LRP5: variants seen among roughly 807,000 people sequenced by gnomAD.
LRP5 encodes LDL receptor related protein 5, also known as low-density lipoprotein receptor-related protein 5.
LRP5 carries 62 observed loss-of-function variants against 154.1 expected under a neutral mutation model. The ratio of observed to expected loss-of-function variants is 0.40; its 90% CI spans 0.33 to 0.50. LRP5 has a LOEUF of 0.50. LRP5 is among the 20% of genes least tolerant of loss of function. The probability of loss-of-function intolerance (pLI) is 0.55; values close to 1 mark genes in which losing one functional copy is unlikely to be tolerated. For synonymous variants in LRP5, 966 were observed against 1,011.5 expected (o/e 0.96, Z 0.85); for missense variants, 1,915 against 2,336.7 (o/e 0.82, Z 3.72).
At chr11:68,376,708 G>T (rs907671406) in intron 5 of LRP5, among the ~76,000 whole-genome samples, 5 of 152,256 alleles carry the variant, frequency 3.3e-5, no homozygotes, top group Non-Finnish European at 7.3e-5. Context: ...AGCAGTACAA[G>T]TAACCGCTGC....
intron 3 of LRP5, among the ~76,000 whole-genome samples, chr11:68,362,302 G>T (rs2098628526): frequency 6.6e-6 from 1 of 152,218 alleles, no homozygotes; most frequent in Non-Finnish European, 1.5e-5. Flanking sequence ...GGGTTTGCCT[G>T]TGGGGCAATG....
In LRP5 at chr11:68,423,388, T is replaced by C; in HGVS notation, c.3028-101T>C. ...GGGCTCTCCAGCCAGTGCCCGGGGG[T>C]CTCCACCAGTGCCCGGGGGTCTCCG... On this transcript the variant is annotated intron_variant, in intron 13 of 22. Transcript: ENST00000294304. The surrounding 1 kb of genome is among the most constrained non-coding windows in gnomAD (Gnocchi z 4.7). 9.3e-7 allele frequency: 1 copy of C among 1,079,462 alleles called. No homozygotes were observed. The highest frequency in any genetic ancestry group is 1.4e-6 in the Non-Finnish European group (1 of 696,718). The allele number at this position is 1,079,462 out of a possible 1,614,324, so 66.9% of individuals were successfully genotyped here. A position where few individuals can be genotyped will look rare whatever the true frequency, so the allele number is the denominator to read the frequency against.
intron 19 of LRP5, among the ~76,000 whole-genome samples, chr11:68,438,039 G>A (rs1021429503): frequency 7.2e-5 from 11 of 152,202 alleles, no homozygotes; most frequent in Non-Finnish European, 1.6e-4. Context: ...CCACCCAGCC[G>A]ACCCTGCCCC....
chr11:68,423,732 G>A lies in LRP5; in HGVS notation c.3236+35G>A, dbSNP rs200667540. The A allele has an allele frequency of 2.5e-5, 39 of 1,572,484 alleles. 1 individual carries two copies. The Middle Eastern group carries it at 1.0e-3, about 40-fold the overall frequency. On this transcript the variant is annotated intron_variant, in intron 14 of 22. Transcript: ENST00000294304. This position sits in a 1 kb window ranked among gnomAD's most constrained non-coding sequence, Gnocchi z 4.7. ...CAACGGGTGGGTGGGGGTGCTGCCC[G>A]TCCAGGCGTGCCCGCCGTGTCTTCT...
intron 8 of LRP5, among the ~76,000 whole-genome samples, chr11:68,405,221 C>A (rs1273940132): frequency 6.6e-6 from 1 of 151,152 alleles, no homozygotes; most frequent in Non-Finnish European, 1.5e-5. Flanking sequence ...AATCCCAGAA[C>A]TTTGGAAGAC....
At chr11:68,332,542 C>T (rs1045249350) in intron 1 of LRP5, among the ~76,000 whole-genome samples, 19 of 152,230 alleles carry the variant, frequency 1.2e-4, no homozygotes, top group African/African-American at 3.9e-4. Flanking sequence ...TTACGGAGGA[C>T]GTGGGCTTCA....
intron 16 of LRP5, among the ~76,000 whole-genome samples, chr11:68,429,298 T>C (rs1301140564): frequency 6.6e-6 from 1 of 152,130 alleles, no homozygotes; most frequent in African/African-American, 2.4e-5. Flanking sequence ...TTCAGACTGA[T>C]GGTATGGGCA....
intron 16 of LRP5, among the ~76,000 whole-genome samples, chr11:68,426,731 G>A (rs1246468955): frequency 2.6e-5 from 4 of 152,146 alleles, no homozygotes; most frequent in Non-Finnish European, 4.4e-5. Flanking sequence ...AACACCCACG[G>A]ATTGTCTCTC....
rs750804153 is a variant in LRP5, at chr11:68,413,820, C to T, written c.2635C>T (p.Arg879Cys). Residue 879 changes from arginine (R) to cysteine (C), a missense_variant, in exon 12 of 23, where the codon CGC becomes TGC. Physicochemically the swap from Arg to Cys is radical, Grantham distance 180. Coordinates refer to ENST00000294304, the MANE Select transcript of LRP5 (RefSeq NM_002335.4). The surrounding 1 kb of genome is among the most constrained non-coding windows in gnomAD (Gnocchi z 5.1). Reference protein sequence around the residue: ...ERADKTSGRNRTLIQGHLDFV... With the variant: ...ERADKTSGRNCTLIQGHLDFV... ...GGCCGACAAGACTAGCGGCCGGAAC[C>T]GCACCCTCATCCAGGGCCACCTGGA... The T allele has an allele frequency of 4.3e-6, 7 of 1,613,628 alleles. No individual in the cohort carries two copies. Among genetic ancestry groups the T allele is most frequent in the Non-Finnish European group, 5.9e-6 (7 of 1,180,006 alleles).
At chr11:68,439,721 G>T in intron 20 of LRP5, 56 bp from the exon 21 acceptor site, 1 of 1,578,698 alleles carries the variant, frequency 6.3e-7, no homozygotes, top group Non-Finnish European at 8.6e-7. Flanking sequence ...TATGTCTGTG[G>T]GGCGGCTTGG....
At chr11:68,368,319 T>C (rs2098632206) in intron 5 of LRP5, among the ~76,000 whole-genome samples, 1 of 152,014 alleles carries the variant, frequency 6.6e-6, no homozygotes, top group African/African-American at 2.4e-5. Flanking sequence ...ACTCCTGTAC[T>C]GGGGGTGTGG....
Position 68,448,790 on chromosome 11 carries a change from C to G in LRP5, c.4587-19C>G, listed in dbSNP as rs571918614. 369 of 1,602,096 alleles carry G rather than the reference C, an allele frequency of 2.3e-4. 4 individuals are homozygous for G. In the South Asian group the frequency reaches 3.9e-3, roughly 17 times the overall value. On this transcript the variant is annotated intron_variant, in intron 22 of 22. Transcript: ENST00000294304. ...GATGTGCCTACCGAATCCCACTCCT[C>G]TGTGTGTGTCCCTTTCAGGCCCTAC...
chr11:68,345,840 T>C (rs951846814), intron 1 of LRP5, among the ~76,000 whole-genome samples: 2 of 152,192 alleles, frequency 1.3e-5, no homozygotes, highest in African/African-American at 4.8e-5. Flanking sequence ...TGCTATTTTG[T>C]TTTTTTGATA....
intron 3 of LRP5, among the ~76,000 whole-genome samples, chr11:68,363,419 G>A (rs1436940652): frequency 6.6e-6 from 1 of 152,186 alleles, no homozygotes; most frequent in African/African-American, 2.4e-5. Flanking sequence ...CGCTTTGAGA[G>A]GCTGAGGTGG....
At chr11:68,390,817 C>T (rs1437019908) in intron 7 of LRP5, among the ~76,000 whole-genome samples, 1 of 131,314 alleles carries the variant, frequency 7.6e-6, no homozygotes, top group Non-Finnish European at 1.6e-5. Context: ...CCGCTGTGGT[C>T]GGGTTTCAGT....
chr11:68,381,234 C>A lies in LRP5; in HGVS notation c.1016-5082C>A, dbSNP rs139265547. On this transcript the variant is annotated intron_variant, in intron 5 of 22. Coordinates refer to ENST00000294304, the MANE Select transcript of LRP5 (RefSeq NM_002335.4). ...TTCGGAGGGAGTCTGTCCCTGCAGACGTCTTGACTTTTGATTGCAGGGATG... is the reference window on the plus strand; with the variant it reads ...TTCGGAGGGAGTCTGTCCCTGCAGAAGTCTTGACTTTTGATTGCAGGGATG... Among the ~76,000 whole-genome samples the A allele has an allele frequency of 9.2e-5, 14 of 152,298 alleles. No homozygotes were observed. In the East Asian group the frequency reaches 1.7e-3, roughly 19 times the overall value.
At chr11:68,418,147 C>T (rs1248157949) in intron 13 of LRP5, among the ~76,000 whole-genome samples, 1 of 151,850 alleles carries the variant, frequency 6.6e-6, no homozygotes, top group Non-Finnish European at 1.5e-5. Flanking sequence ...GCAGAGCCCG[C>T]TTGTATCCTA....
chr11:68,356,253 C>G lies in LRP5; in HGVS notation c.489-1397C>G, dbSNP rs548097541. Among the ~76,000 whole-genome samples, 6 of 151,822 alleles carry G rather than the reference C, an allele frequency of 4.0e-5. 1 individual carries two copies. The South Asian group carries it at 1.3e-3, about 32-fold the overall frequency. ...ACCTCCCAGGGCTGAAGGGATCCTC[C>G]CACGTCAGCCTCCCAAGTAGCTGGG... On this transcript the variant is annotated intron_variant, in intron 2 of 22. Coordinates refer to ENST00000294304, the MANE Select transcript of LRP5 (RefSeq NM_002335.4).
chr11:68,338,565 C>T (rs1288039010), intron 1 of LRP5, among the ~76,000 whole-genome samples: 3 of 152,168 alleles, frequency 2.0e-5, no homozygotes, highest in Non-Finnish European at 4.4e-5. Flanking sequence ...CTGGGAGTGG[C>T]AGACATGCAC....
Sources: gnomAD v4.1 joint callset for allele counts (sites outside exome capture counted in the v4.1 genomes callset) on GRCh38, gnomAD v4.1.1 for gene constraint, Gnocchi (gnomAD v3.1) non-coding constraint, MANE v1.5 for transcripts, NCBI Gene and HGNC (gene_info 2026-07-23, HGNC 2026-07-21) for gene names.